The following KALRN variants were observed in gnomAD, a reference collection of about 807,000 sequenced individuals.
KALRN encodes kalirin RhoGEF kinase, also known as kalirin.
A neutral mutation model predicts 353.7 loss-of-function variants in KALRN; 70 were observed. The ratio of observed to expected loss-of-function variants is 0.20; its 90% confidence interval spans 0.16 to 0.24. The LOEUF is 0.24. KALRN is among the 10% of genes least tolerant of loss of function. The pLI is 1.00. For synonymous variants in KALRN, 1,391 were observed against 1,434.8 expected (o/e 0.97, Z 0.69); for missense variants, 2,791 against 3,756.7 (o/e 0.74, Z 6.72).
At chr3:124,129,329 C>T (rs1054950066) in intron 1 of KALRN, among the ~76,000 whole-genome samples, 1 of 152,136 alleles carries the variant, frequency 6.6e-6, no homozygotes, top group African/African-American at 2.4e-5. Context: ...CTCTCTACGT[C>T]TGCTTCACTG....
At chr3:124,316,279 C>A (rs1011836935) in intron 6 of KALRN, among the ~76,000 whole-genome samples, 14 of 152,304 alleles carry the variant, frequency 9.2e-5, no homozygotes, top group Middle Eastern at 3.4e-3. Context: ...TCTGCCTCCA[C>A]CTTTGCTCCC....
intron 17 of KALRN, among the ~76,000 whole-genome samples, chr3:124,436,647 ATCT>A (rs1382225430): frequency 7.6e-6 from 1 of 131,824 alleles, no homozygotes; most frequent in African/African-American, 2.9e-5. Context: ...TTGATGACAG[ATCT>A]TCTCATGTGA....
intron 34 of KALRN, among the ~76,000 whole-genome samples, chr3:124,604,512 T>G (rs1254227455): frequency 2.0e-5 from 3 of 152,170 alleles, no homozygotes; most frequent in Non-Finnish European, 4.4e-5. Context: ...AGGTTGGAGA[T>G]GAGCTCATGA....
At chr3:124,376,722 GA>G (rs2086639790) in intron 10 of KALRN, among the ~76,000 whole-genome samples, 1 of 152,156 alleles carries the variant, frequency 6.6e-6, no homozygotes, top group Non-Finnish European at 1.5e-5. Context: ...ATGGAACTGG[GA>G]AATGTGACAC....
intron 3 of KALRN, among the ~76,000 whole-genome samples, chr3:124,249,105 T>C (rs6781700): frequency 0.12 from 18,437 of 152,268 alleles, 1,237 homozygotes; most frequent in South Asian, 0.2. Flanking sequence ...AGATTGCACA[T>C]TGGTTCAGAT....
chr3:124,674,403 G>A lies in KALRN; in HGVS notation c.6982G>A (p.Val2328Met), dbSNP rs373630403. The A allele has an allele frequency of 1.5e-5, 24 of 1,613,746 alleles. No homozygotes were observed. The highest frequency in any genetic ancestry group is 1.6e-4 in the Middle Eastern group (1 of 6,062). Residue 2328 changes from valine (V) to methionine (M), a missense_variant, in exon 49 of 60, where the codon GTG becomes ATG. By Grantham distance (21) the Val-to-Met change is conservative (BLOSUM62 1). Around this residue, in one of 11 missense-constraint regions of KALRN, gnomAD observed 1,065 missense variants for 1,156.4 expected, o/e 0.92. Coordinates refer to ENST00000682506, the MANE Select transcript of KALRN (RefSeq NM_001388419.1). ...GGCNGTSSMA[V>M]IKDYYALKEN... ...CTGCAATGGGACCTCGTCCATGGCC[G>A]TGATCAAAGATTACTATGCACTGAA...
At chr3:124,258,537 C>G (rs1206412551) in intron 3 of KALRN, among the ~76,000 whole-genome samples, 1 of 152,176 alleles carries the variant, frequency 6.6e-6, no homozygotes, top group Non-Finnish European at 1.5e-5. Context: ...CCTGTCAATT[C>G]TATTCTTGAC....
At chr3:124,256,637 T>G (rs541097290) in intron 3 of KALRN, among the ~76,000 whole-genome samples, 1 of 152,160 alleles carries the variant, frequency 6.6e-6, no homozygotes, top group Admixed American at 6.5e-5. Context: ...ATTCATTCAT[T>G]CCTCACACAC....
intron 34 of KALRN, among the ~76,000 whole-genome samples, chr3:124,618,735 G>A (rs900852365): frequency 6.6e-6 from 1 of 152,172 alleles, no homozygotes; most frequent in African/African-American, 2.4e-5. Context: ...TGCCAGATAT[G>A]GAGCTTGGGA....
At chr3:124,650,079 T>C (rs1297194007) in intron 37 of KALRN, among the ~76,000 whole-genome samples, 1 of 152,116 alleles carries the variant, frequency 6.6e-6, no homozygotes, top group Non-Finnish European at 1.5e-5. Context: ...CCAGCCTCAC[T>C]GTGTATCCAC....
chr3:124,539,314 T>C (rs2068794013), intron 33 of KALRN, among the ~76,000 whole-genome samples: 1 of 152,194 alleles, frequency 6.6e-6, no homozygotes, highest in Non-Finnish European at 1.5e-5. Context: ...ATAGATCTTC[T>C]CTCTAAAATG....
intron 56 of KALRN, 48 bp downstream of exon 56, chr3:124,700,081 C>T: frequency 4.4e-6 from 7 of 1,587,166 alleles, no homozygotes; most frequent in Non-Finnish European, 4.3e-6. Flanking sequence ...GATTGAGGCA[C>T]CTGGCTGCCT....
At chr3:124,648,069 A>G (rs1008332089) in intron 37 of KALRN, among the ~76,000 whole-genome samples, 1 of 152,214 alleles carries the variant, frequency 6.6e-6, no homozygotes, top group East Asian at 1.9e-4. Context: ...CCTGGCCACC[A>G]CTGCCTGTTT....
intron 34 of KALRN, among the ~76,000 whole-genome samples, chr3:124,632,173 G>A (rs928786363): frequency 2.0e-5 from 3 of 152,192 alleles, no homozygotes; most frequent in African/African-American, 4.8e-5. Flanking sequence ...CTCCGCGAAG[G>A]CAGGAGTTTC....
chr3:124,352,678 TG>T (rs1485158828), intron 10 of KALRN, among the ~76,000 whole-genome samples: 23 of 147,526 alleles, frequency 1.6e-4, no homozygotes, highest in Non-Finnish European at 2.1e-4. Context: ...TTTTTTGTTT[TG>T]TTTTTTTTTT....
chr3:124,151,825 G>A lies in KALRN; in HGVS notation c.74-76165G>A, dbSNP rs533623976. On this transcript the variant is annotated intron_variant, in intron 1 of 59. Coordinates refer to ENST00000682506, the MANE Select transcript of KALRN (RefSeq NM_001388419.1). Reference sequence around the variant, plus strand: ...CTTTATTGTTTTACTTCTCACATTTGGATCAGTAATTCATTTGGAAATGCT... The same window carrying A: ...CTTTATTGTTTTACTTCTCACATTTAGATCAGTAATTCATTTGGAAATGCT... The A allele has an allele frequency of 4.1e-5, 16 of 387,636 alleles. No homozygotes were observed. In the South Asian group the frequency reaches 7.3e-4, roughly 18 times the overall value. The allele number at this position is 387,636 out of a possible 1,614,324, so 24.0% of individuals were successfully genotyped here.
At chr3:124,493,417 A>C (rs1407495815) in intron 32 of KALRN, among the ~76,000 whole-genome samples, 3 of 152,168 alleles carry the variant, frequency 2.0e-5, no homozygotes, top group African/African-American at 4.8e-5. Context: ...AAGAGGACTT[A>C]TATCTTTCTG....
At chr3:124,362,599 C>T (rs1313959668) in intron 10 of KALRN, among the ~76,000 whole-genome samples, 1 of 152,270 alleles carries the variant, frequency 6.6e-6, no homozygotes, top group East Asian at 1.9e-4. Context: ...ATACTGGCAA[C>T]TTCAGCTATA....
At chr3:124,668,954 A>T (rs976789643) in intron 47 of KALRN, among the ~76,000 whole-genome samples, 1 of 152,234 alleles carries the variant, frequency 6.6e-6, no homozygotes, top group African/African-American at 2.4e-5. Context: ...GGACAAAAGA[A>T]AAATAAGGTG....
Sources: allele counts gnomAD v4.1 joint callset (sites outside exome capture counted in the v4.1 genomes callset), GRCh38; gene constraint gnomAD v4.1.1; regional missense constraint gnomAD v4.1.1; transcripts MANE v1.5; gene names NCBI Gene and HGNC (gene_info 2026-07-23, HGNC 2026-07-21).